FRMPD3: variants seen among roughly 807,000 people sequenced by gnomAD.
The protein encoded by FRMPD3 is FERM and PDZ domain containing 3, also known as FERM and PDZ domain-containing protein 3.
A neutral mutation model predicts 97.9 loss-of-function variants in FRMPD3; 42 were observed. The observed-to-expected ratio is 0.43, with a 90% CI of 0.34 to 0.55. The LOEUF (loss-of-function observed/expected upper bound fraction) is 0.55. Ranked by LOEUF, FRMPD3 falls within the 20% of genes least tolerant of loss-of-function variation. The probability of loss-of-function intolerance (pLI) is 0.03; values close to 1 mark genes in which losing one functional copy is unlikely to be tolerated. For synonymous variants in FRMPD3, 577 were observed against 581.1 expected, an observed-to-expected ratio of 0.99 and a Z score of 0.10; for missense variants, 1,303 against 1,457.7, an observed-to-expected ratio of 0.89 and a Z score of 1.73.
chrX:107,490,809 A>G (rs115097654), intron 1 of FRMPD3, among the ~76,000 whole-genome samples: 1,205 of 111,840 alleles, frequency 0.011, 11 homozygotes, highest in African/African-American at 0.038. Context: ...TAAGCCTTTC[A>G]TGGGCCTGTC....
chrX:107,513,148 A>T (rs1922212797), intron 1 of FRMPD3: 1 of 111,940 alleles, frequency 8.9e-6, no homozygotes, highest in Non-Finnish European at 1.9e-5. Context: ...GAAAGGAAAG[A>T]TGACCTTGGT....
intron 1 of FRMPD3, among the ~76,000 whole-genome samples, chrX:107,521,040 A>G (rs781144323): frequency 1.4e-4 from 16 of 111,683 alleles, no homozygotes; most frequent in Non-Finnish European, 3.0e-4. Flanking sequence ...TTGCTGACCA[A>G]ACTCTTCAGC....
At chrX:107,590,351 A>AAAAGAAAG (rs200194961) in intron 13 of FRMPD3, among the ~76,000 whole-genome samples, 5,573 of 109,006 alleles carry the variant, frequency 0.051, 391 homozygotes, top group African/African-American at 0.18. Context: ...GACTAAAAAG[A>AAAAGAAAG]AAAGAAAGAA....
At position 107,550,162 on chromosome X, in the gene FRMPD3, T is replaced by A. The variant is rs763225042; in HGVS notation, c.510+6T>A. 9.1e-7 allele frequency: 1 copy of A among 1,104,175 alleles called. No homozygotes were observed. Among genetic ancestry groups the A allele is most frequent in the Admixed American group, 2.2e-5 (1 of 44,685 alleles). 91.0% of individuals were successfully genotyped at this position (1,104,175 alleles called of 1,213,427 possible). On this transcript the variant is annotated splice_donor_region_variant and intron_variant, in intron 6 of 14. Transcript: ENST00000683843. ...ATGGTCGGACCACTGTTAAGGTACA[T>A]ACAGTCTCCTCCCCCTGGTCAGCAT...
chrX:107,544,357 G>A (rs760122989), intron 4 of FRMPD3, among the ~76,000 whole-genome samples: 3 of 111,562 alleles, frequency 2.7e-5, no homozygotes, highest in Non-Finnish European at 5.6e-5. Flanking sequence ...AATGTATTAT[G>A]TATTTCAAAA....
chrX:107,587,739 G>A (rs774344701), intron 13 of FRMPD3, among the ~76,000 whole-genome samples: 21 of 111,747 alleles, frequency 1.9e-4, no homozygotes, highest in Admixed American at 7.6e-4. Flanking sequence ...GAAATTCTGC[G>A]TTGAAAATTC....
At chrX:107,517,577 TG>T (rs1482084193) in intron 1 of FRMPD3, among the ~76,000 whole-genome samples, 1 of 109,930 alleles carries the variant, frequency 9.1e-6, no homozygotes, top group African/African-American at 3.3e-5. Flanking sequence ...CTGGCCAACA[TG>T]GCAAAACCTT....
At chrX:107,526,886 T>A in intron 2 of FRMPD3, 150 bp downstream of exon 2, 1 of 571,113 alleles carries the variant, frequency 1.8e-6, no homozygotes, top group Non-Finnish European at 2.6e-6. Context: ...AATAACTGTG[T>A]GAGGGAGCTG....
Position 107,575,044 on chromosome X carries a change from T to A in FRMPD3, c.1297-1271T>A, listed in dbSNP as rs572855622. On this transcript the variant is annotated intron_variant, in intron 12 of 14. Coordinates refer to ENST00000683843, the MANE Select transcript of FRMPD3 (RefSeq NM_001388459.1). Reference sequence around the variant, plus strand: ...ATACTAGGAGGTTTTCTTGAAATAGTGCTGATTTTCTTGAATAGCATTGCC... The same window carrying A: ...ATACTAGGAGGTTTTCTTGAAATAGAGCTGATTTTCTTGAATAGCATTGCC... 1.8e-4 allele frequency among the ~76,000 whole-genome samples: 20 copies of A among 112,488 alleles called. 1 individual carries two copies. The highest frequency in any genetic ancestry group is 6.1e-4 in the African/African-American group (19 of 31,040).
chrX:107,585,769 G>T (rs1923615124), intron 13 of FRMPD3, among the ~76,000 whole-genome samples: 1 of 112,216 alleles, frequency 8.9e-6, no homozygotes. Flanking sequence ...TGTTGAACCA[G>T]CCTTGCATCC....
intron 1 of FRMPD3, among the ~76,000 whole-genome samples, chrX:107,515,450 G>C (rs1922288135): frequency 9.0e-6 from 1 of 111,236 alleles, no homozygotes; most frequent in Non-Finnish European, 1.9e-5. Context: ...AGGCCAATGC[G>C]GACCTTAACA....
chrX:107,465,968 T>C lies in FRMPD3; in HGVS notation c.-8+15963T>C, dbSNP rs180766452. 1.4e-3 allele frequency among the ~76,000 whole-genome samples: 160 copies of C among 112,320 alleles called. 1 individual carries two copies. The highest frequency in any genetic ancestry group is 4.9e-3 in the African/African-American group (152 of 30,959). ...TAGAGCTTTGTAATGCACATTAGCA[T>C]ATGAAAGGCTCTGAGAAGTTTTGCA... On this transcript the variant is annotated intron_variant, in intron 1 of 14. Coordinates refer to ENST00000683843, the MANE Select transcript of FRMPD3 (RefSeq NM_001388459.1).
chrX:107,563,383 G>A (rs1208246930), intron 11 of FRMPD3, among the ~76,000 whole-genome samples, 183 bp downstream of exon 11: 2 of 111,921 alleles, frequency 1.8e-5, no homozygotes, highest in Non-Finnish European at 3.8e-5. Context: ...TATTTGTTTT[G>A]AGTATCCCTC....
Position 107,494,637 on chromosome X carries a change from T to A in FRMPD3, c.-7-31945T>A, listed in dbSNP as rs1348200500. Among the ~76,000 whole-genome samples the A allele has an allele frequency of 2.7e-5, 3 of 111,989 alleles. No individual in the cohort carries two copies. In the East Asian group the frequency reaches 8.4e-4, roughly 31 times the overall value. ...TATAATTTCTTGAGCAGTTATTAAG[T>A]GCTGGGTACTGGGCTTAGCACTTTA... On this transcript the variant is annotated intron_variant, in intron 1 of 14. Transcript: ENST00000683843.
rs1924669253 is a variant in FRMPD3, at chrX:107,603,619, C to A, written c.*246C>A. The A allele has an allele frequency of 2.3e-6, 1 of 441,130 alleles. No homozygotes were observed. Among genetic ancestry groups the A allele is most frequent in the South Asian group, 5.8e-5 (1 of 17,267 alleles). 36.4% of individuals were successfully genotyped at this position (441,130 alleles called of 1,213,427 possible). A position where few individuals can be genotyped will look rare whatever the true frequency, so the allele number is the denominator to read the frequency against. On this transcript the variant is annotated 3_prime_UTR_variant, in exon 15 of 15. Coordinates refer to ENST00000683843, the MANE Select transcript of FRMPD3 (RefSeq NM_001388459.1). ...GGGCCTCACTGTGAGGGCAAAGGCC[C>A]CTCTTCACTCTGCTCACAGCAGAGC...
At chrX:107,462,498 C>T (rs543689643) in intron 1 of FRMPD3, among the ~76,000 whole-genome samples, 1 of 112,120 alleles carries the variant, frequency 8.9e-6, no homozygotes, top group East Asian at 2.8e-4. Flanking sequence ...GGCTTCATGC[C>T]CCACACAGCC....
At chrX:107,488,768 A>C (rs182688096) in intron 1 of FRMPD3, among the ~76,000 whole-genome samples, 125 of 111,116 alleles carry the variant, frequency 1.1e-3, no homozygotes, top group African/African-American at 3.4e-3. Context: ...GAGGGGCAAA[A>C]AAACAAACAA....
Position 107,597,394 on chromosome X carries a change from C to A in FRMPD3, c.1515C>A (p.Ser505Arg). The change falls in exon 14 of 15, where the codon AGC (serine) becomes AGA (arginine). Residue 505 changes from serine to arginine, a missense_variant. By Grantham distance (110) the Ser-to-Arg change is moderately radical. Transcript: ENST00000683843. ...AAAAGGAGAGTAGTTATGTGGGCAG[C>A]GTGGGCACCAGCCCCAGGAAATCGA... ...LGKKESSYVG[S>R]VGTSPRKSSR... 1 of 1,210,439 alleles carries A rather than the reference C, an allele frequency of 8.3e-7. No homozygotes were observed. Among genetic ancestry groups the A allele is most frequent in the Non-Finnish European group, 1.1e-6 (1 of 895,197 alleles).
At position 107,576,399 on chromosome X, in the gene FRMPD3, A is replaced by G. The variant is rs1419813565; in HGVS notation, c.1381A>G (p.Arg461Gly). Residue 461 changes from arginine to glycine, a missense_variant, in exon 13 of 15, where the codon AGG becomes GGG. Arg to Gly is a moderately radical substitution (Grantham distance 125). Coordinates refer to ENST00000683843, the MANE Select transcript of FRMPD3 (RefSeq NM_001388459.1). ...AGYCRLLLDSRKMVFSRPASQ... is the reference protein window; with the variant it reads ...AGYCRLLLDSGKMVFSRPASQ... The stretch of plus-strand genomic sequence containing the variant: ...GTACTGCCGCCTCTTGCTGGATTCC[A>G]GGAAGATGGTCTTCTCCAGGCCTGC... 9 of 1,210,770 alleles carry G rather than the reference A, an allele frequency of 7.4e-6. No individual in the cohort carries two copies. The highest frequency in any genetic ancestry group is 1.0e-5 in the Non-Finnish European group (9 of 895,324).
Sources: allele counts gnomAD v4.1 joint callset (sites outside exome capture counted in the v4.1 genomes callset), GRCh38; gene constraint gnomAD v4.1.1; transcripts MANE v1.5; gene names NCBI Gene and HGNC (gene_info 2026-07-23, HGNC 2026-07-21).